The following RBFOX3 variants were observed in gnomAD, a reference collection of about 807,000 sequenced individuals.
The protein encoded by RBFOX3 is RNA binding protein fox-1 homolog 3.
In RBFOX3, 17 loss-of-function variants were observed where a neutral mutation model predicts 48.7. That is an observed-to-expected ratio of 0.35 (90% CI 0.24 to 0.52). The LOEUF is 0.52. RBFOX3 is among the 20% of genes least tolerant of loss of function. The pLI, the probability that RBFOX3 is intolerant of heterozygous loss-of-function variation, is 0.94. For missense variants in RBFOX3, 382 were observed against 497.5 expected (o/e 0.77, Z 2.21); for synonymous variants, 212 against 209.5 (o/e 1.01, Z -0.10).
chr17:79,190,435 A>AC lies in RBFOX3; in HGVS notation c.-34+45330_-34+45331insG, dbSNP rs1472065245. On this transcript the variant is annotated intron_variant, in intron 4 of 14. Coordinates refer to ENST00000693108, the MANE Select transcript of RBFOX3 (RefSeq NM_001350451.2). ...TCACCAAAAAAAAAAAAAAAAACAA[A>AC]AAAACAGAGTGAAGAAGAAGAAAGG... 9.2e-4 allele frequency among the ~76,000 whole-genome samples: 137 copies of AC among 149,720 alleles called. 1 individual carries two copies. Among genetic ancestry groups the AC allele is most frequent in the African/African-American group, 2.8e-3 (114 of 41,138 alleles).
chr17:79,365,779 C>G (rs11652791), intron 2 of RBFOX3, among the ~76,000 whole-genome samples: 19,863 of 152,202 alleles, frequency 0.13, 1,453 homozygotes, highest in African/African-American at 0.18. Context: ...ACAGAATTCA[C>G]AAGGTAAAGA....
chr17:79,284,295 T>C (rs908009975), intron 3 of RBFOX3, among the ~76,000 whole-genome samples: 3 of 152,226 alleles, frequency 2.0e-5, no homozygotes, highest in South Asian at 2.1e-4. Context: ...TCTGAACCAC[T>C]TGGGGTTCAG....
chr17:79,611,800 G>A (rs1239249218), upstream of RBFOX3, among the ~76,000 whole-genome samples: 2 of 152,304 alleles, frequency 1.3e-5, no homozygotes, highest in African/African-American at 2.4e-5. Flanking sequence ...GGCCCACTCC[G>A]TGCTGTTAGT....
At chr17:79,604,998 T>C (rs2093794344) in intron 1 of RBFOX3, among the ~76,000 whole-genome samples, 1 of 152,180 alleles carries the variant, frequency 6.6e-6, no homozygotes, top group South Asian at 2.1e-4. Flanking sequence ...ATTCCTGCCA[T>C]CTTCATCCCT....
intron 3 of RBFOX3, among the ~76,000 whole-genome samples, chr17:79,271,828 G>C (rs1039036683): frequency 6.6e-6 from 1 of 152,246 alleles, no homozygotes; most frequent in Non-Finnish European, 1.5e-5. Flanking sequence ...AGGACACCAT[G>C]AGGAGAGTCA....
At chr17:79,246,992 TTTAGA>T (rs1257256164) in intron 3 of RBFOX3, among the ~76,000 whole-genome samples, 4 of 152,184 alleles carry the variant, frequency 2.6e-5, no homozygotes, top group African/African-American at 4.8e-5. Context: ...TTATCAACAA[TTTAGA>T]CATGTCCTTT....
intron 2 of RBFOX3, among the ~76,000 whole-genome samples, chr17:79,435,150 C>T (rs1555730409): frequency 6.6e-6 from 1 of 152,174 alleles, no homozygotes; most frequent in Non-Finnish European, 1.5e-5. Flanking sequence ...CGTGTCTGCC[C>T]CCCACCTCCG....
At chr17:79,271,008 G>C (rs1309141951) in intron 3 of RBFOX3, among the ~76,000 whole-genome samples, 1 of 151,820 alleles carries the variant, frequency 6.6e-6, no homozygotes, top group Admixed American at 6.6e-5. Flanking sequence ...CAAAGCCCAG[G>C]ACTGATGACT....
At chr17:79,116,458 C>A (rs146041929) in intron 4 of RBFOX3, among the ~76,000 whole-genome samples, 2 of 152,206 alleles carry the variant, frequency 1.3e-5, no homozygotes, top group Non-Finnish European at 2.9e-5. Context: ...GGGGTTGCAG[C>A]GAGCCAAAAT....
At chr17:79,636,739 GAAGA>G in the RBFOX3 span, among the ~76,000 whole-genome samples, 2 of 151,492 alleles carry the variant, frequency 1.3e-5, no homozygotes, top group Admixed American at 6.6e-5. Flanking sequence ...AGGAAGGCAG[GAAGA>G]AAGAAAAAAA....
At chr17:79,531,437 C>G (rs965946222) in intron 1 of RBFOX3, among the ~76,000 whole-genome samples, 3 of 152,326 alleles carry the variant, frequency 2.0e-5, no homozygotes, top group Admixed American at 1.3e-4. Flanking sequence ...TTTTCGGCAG[C>G]CAGTGAAGGA....
chr17:79,657,601 T>G, the RBFOX3 span, among the ~76,000 whole-genome samples: 1 of 152,082 alleles, frequency 6.6e-6, no homozygotes, highest in Non-Finnish European at 1.5e-5. Flanking sequence ...ATCGCTTGAA[T>G]CTGGGAGGCA....
In RBFOX3 at chr17:79,411,477, C is replaced by A. The variant is rs532570336; in HGVS notation, c.-175+70977G>T. Among the ~76,000 whole-genome samples, 4 of 152,284 alleles carry A rather than the reference C, an allele frequency of 2.6e-5. No homozygotes were observed. In the South Asian group the frequency reaches 8.3e-4, roughly 32 times the overall value. On this transcript the variant is annotated intron_variant, in intron 2 of 14. Coordinates refer to ENST00000693108, the MANE Select transcript of RBFOX3 (RefSeq NM_001350451.2). ...TCAGCCTTGGCCTCAGCTCCACGGG[C>A]TCCTCCTCCACCCTTCTCCCACCTC...
At chr17:79,653,501 T>C in the RBFOX3 span, among the ~76,000 whole-genome samples, 2 of 152,220 alleles carry the variant, frequency 1.3e-5, no homozygotes, top group Non-Finnish European at 2.9e-5. Flanking sequence ...AATGTAGATT[T>C]AACGAAGATT....
intron 1 of RBFOX3, among the ~76,000 whole-genome samples, chr17:79,590,814 C>A (rs994870313): frequency 6.6e-5 from 10 of 152,150 alleles, no homozygotes; most frequent in African/African-American, 2.4e-4. Context: ...TCAGCTCAGC[C>A]CTGGGGTAAG....
rs905647615 is a variant in RBFOX3 at position 79,362,264 on chromosome 17, G to A, written c.-174-54440C>T. 6.6e-6 allele frequency among the ~76,000 whole-genome samples: 1 copy of A among 152,206 alleles called. No individual in the cohort carries two copies. Among genetic ancestry groups the A allele is most frequent in the African/African-American group, 2.4e-5 (1 of 41,444 alleles). On this transcript the variant is annotated intron_variant, in intron 2 of 14. Transcript: ENST00000693108. The surrounding 1 kb of genome is among the most constrained non-coding windows in gnomAD (Gnocchi z 4.2). ...GTTCTCAGATATTTTCCTGCCTTTG[G>A]GAAAATGCATCTGTCTCCCTGCGTT...
At chr17:79,292,584 G>GCACACACACACA (rs937932598) in intron 3 of RBFOX3, among the ~76,000 whole-genome samples, 100 of 63,686 alleles carry the variant, frequency 1.6e-3, no homozygotes, top group African/African-American at 6.4e-3. Context: ...ACACACACAT[G>GCACACACACACA]CACACACACA....
At chr17:79,488,019 G>A (rs1481813329) in intron 1 of RBFOX3, among the ~76,000 whole-genome samples, 1 of 151,954 alleles carries the variant, frequency 6.6e-6, no homozygotes, top group Non-Finnish European at 1.5e-5. Flanking sequence ...GGCTCCTAGA[G>A]GTGGGGGTGA....
At chr17:79,304,999 T>C (rs1048566496) in intron 3 of RBFOX3, among the ~76,000 whole-genome samples, 1 of 152,164 alleles carries the variant, frequency 6.6e-6, no homozygotes, top group Non-Finnish European at 1.5e-5. Context: ...ATGGACGCTA[T>C]CCTGAGCCCC....
Sources: gnomAD v4.1 joint callset for allele counts (sites outside exome capture counted in the v4.1 genomes callset) on GRCh38, gnomAD v4.1.1 for gene constraint, Gnocchi (gnomAD v3.1) non-coding constraint, MANE v1.5 for transcripts, NCBI Gene and HGNC (gene_info 2026-07-23, HGNC 2026-07-21) for gene names.